DTL: variants seen among roughly 807,000 people sequenced by gnomAD.
The protein encoded by DTL is denticleless E3 ubiquitin protein ligase adapter, also known as denticleless protein homolog.
Under a neutral mutation model 87.0 loss-of-function variants are expected in DTL, and 46 were observed. The ratio of observed to expected loss-of-function variants is 0.53; its 90% CI spans 0.42 to 0.68. The LOEUF (loss-of-function observed/expected upper bound fraction) is 0.68, where lower values mean the gene tolerates loss of function less well. Ranked by LOEUF, DTL falls within the 30% of genes least tolerant of loss-of-function variation. The pLI, the probability that DTL is intolerant of heterozygous loss-of-function variation, is 0.00. For synonymous variants in DTL, 308 were observed against 311.2 expected, an observed-to-expected ratio of 0.99 and a Z score of 0.11; for missense variants, 737 against 869.4, an observed-to-expected ratio of 0.85 and a Z score of 1.91.
intron 5 of DTL, among the ~76,000 whole-genome samples, chr1:212,047,770 A>C (rs2102531067): frequency 6.6e-6 from 1 of 152,318 alleles, no homozygotes; most frequent in Non-Finnish European, 1.5e-5. Context: ...TCCTGAGCTC[A>C]GGCAATCCAC....
At chr1:212,065,669 AAG>A (rs1434496746) in intron 7 of DTL, among the ~76,000 whole-genome samples, 2 of 152,188 alleles carry the variant, frequency 1.3e-5, no homozygotes, top group African/African-American at 4.8e-5. Flanking sequence ...TCTAAGGGGA[AAG>A]AATACCTGTT....
chr1:212,074,475 T>C (rs1470505445), intron 11 of DTL, among the ~76,000 whole-genome samples: 3 of 152,160 alleles, frequency 2.0e-5, no homozygotes, highest in African/African-American at 7.2e-5. Flanking sequence ...GTTACCCTTT[T>C]TTAATTCCTA....
At chr1:212,053,030 C>G (rs1668046205) in intron 5 of DTL, among the ~76,000 whole-genome samples, 2 of 152,194 alleles carry the variant, frequency 1.3e-5, no homozygotes, top group African/African-American at 4.8e-5. Flanking sequence ...ATTTCGGTCT[C>G]TATAGATTTG....
In DTL at chr1:212,080,793, A is replaced by G. The variant is rs150750543; in HGVS notation, c.1261+43A>G. The G allele has an allele frequency of 1.0e-3, 1,658 of 1,605,888 alleles. 18 individuals carry two copies. In the African/African-American group the frequency reaches 0.02, roughly 19 times the overall value. ...TTTCCAAGTTTTTTATGGTTTGACT[A>G]GTTTAGTCCGACAGTACAGAGTAAT... On this transcript the variant is annotated intron_variant, in intron 13 of 14. Coordinates refer to ENST00000366991, the MANE Select transcript of DTL (RefSeq NM_016448.4).
rs1416376044 is a variant in DTL at position 212,078,192 on chromosome 1, C to T, written c.1055C>T (p.Pro352Leu). ...YIWKVSTPWQ[P>L]PTVLLGHSQE... Reference sequence around the variant, plus strand: ...GACTAGGTCTCCACACCCTGGCAACCTCCTACTGTGCTCCTGGGTCATTCT... The same window carrying T: ...GACTAGGTCTCCACACCCTGGCAACTTCCTACTGTGCTCCTGGGTCATTCT... The change falls in exon 12 of 15, where the codon CCT becomes CTT. Residue 352 changes from proline to leucine, a missense_variant. Transcript: ENST00000366991. The T allele has an allele frequency of 1.2e-6, 2 of 1,611,526 alleles. No individual in the cohort carries two copies. Among genetic ancestry groups the T allele is most frequent in the South Asian group, 2.2e-5 (2 of 91,024 alleles).
intron 5 of DTL, among the ~76,000 whole-genome samples, chr1:212,056,811 A>G (rs1385135476): frequency 6.6e-6 from 1 of 152,138 alleles, no homozygotes; most frequent in Non-Finnish European, 1.5e-5. Context: ...AAATAGAGCT[A>G]AATTCTGGAA....
At chr1:212,094,253 G>T (rs192690326) in intron 13 of DTL, among the ~76,000 whole-genome samples, 1 of 151,998 alleles carries the variant, frequency 6.6e-6, no homozygotes, top group Non-Finnish European at 1.5e-5. Flanking sequence ...GTAAGTCTTT[G>T]GTCCATCTGG....
intron 13 of DTL, among the ~76,000 whole-genome samples, chr1:212,087,322 G>A (rs532248139): frequency 6.6e-6 from 1 of 152,274 alleles, no homozygotes; most frequent in African/African-American, 2.4e-5. Flanking sequence ...GGCCGAGTGG[G>A]TGGATCACGA....
chr1:212,100,219 T>G, intron 13 of DTL, 33 bp from the exon 14 acceptor site: 1 of 1,475,250 alleles, frequency 6.8e-7, no homozygotes, highest in Non-Finnish European at 9.1e-7. Flanking sequence ...TGGCTTTCAC[T>G]TCTGATCTTC....
chr1:212,047,346 G>C lies in DTL; in HGVS notation c.389G>C (p.Gly130Ala), dbSNP rs374453882. The change falls in exon 5 of 15, where the codon GGT (glycine) becomes GCT (alanine). Residue 130 changes from glycine (G) to alanine (A), a missense_variant. Gly to Ala is a moderately conservative substitution (Grantham distance 60). Coordinates refer to ENST00000366991, the MANE Select transcript of DTL (RefSeq NM_016448.4). The stretch of plus-strand genomic sequence containing the variant: ...GCCAAATTTTGGGACGTAAAAGCTG[G>C]TGAGCTGATTGGAACATGCAAAGGT... Reference protein sequence around the residue: ...QTAKFWDVKAGELIGTCKGHQ... With the variant: ...QTAKFWDVKAAELIGTCKGHQ... 2 of 1,614,084 alleles carry C rather than the reference G, an allele frequency of 1.2e-6. No homozygotes were observed. The highest frequency in any genetic ancestry group is 8.5e-7 in the Non-Finnish European group (1 of 1,180,038).
At chr1:212,076,681 A>C (rs1015083372) in intron 11 of DTL, among the ~76,000 whole-genome samples, 51 of 152,314 alleles carry the variant, frequency 3.3e-4, no homozygotes, top group African/African-American at 9.1e-4. Context: ...ACCTGTTTGG[A>C]CCTTGGGTGA....
At chr1:212,048,902 T>G (rs1447367432) in intron 5 of DTL, among the ~76,000 whole-genome samples, 2 of 150,422 alleles carry the variant, frequency 1.3e-5, no homozygotes. Flanking sequence ...TGGACTGGTT[T>G]TTTGTTTGTT....
At chr1:212,053,014 A>G (rs1333928892) in intron 5 of DTL, among the ~76,000 whole-genome samples, 4 of 152,164 alleles carry the variant, frequency 2.6e-5, no homozygotes, top group Non-Finnish European at 5.9e-5. Context: ...TACAACCACT[A>G]TAGTAATTTC....
chr1:212,065,200 TCTG>T (rs1028106455), intron 7 of DTL, among the ~76,000 whole-genome samples, 171 bp downstream of exon 7: 6 of 152,208 alleles, frequency 3.9e-5, no homozygotes, highest in African/African-American at 1.2e-4. Context: ...TTTTGGTTCT[TCTG>T]AATTATAATG....
intron 14 of DTL, among the ~76,000 whole-genome samples, chr1:212,101,670 C>T (rs186092270): frequency 3.3e-4 from 51 of 152,262 alleles, no homozygotes; most frequent in African/African-American, 9.1e-4. Flanking sequence ...TTTGCCACAC[C>T]ACAGTAATAC....
At chr1:212,092,637 T>TAC (rs917370591) in intron 13 of DTL, among the ~76,000 whole-genome samples, 1 of 152,234 alleles carries the variant, frequency 6.6e-6, no homozygotes, top group Admixed American at 6.5e-5. Flanking sequence ...GGTATATATA[T>TAC]ACACCACGTT....
chr1:212,044,896 T>C lies in DTL; in HGVS notation c.277+138T>C, dbSNP rs1667765567. ...AATAACTGAGACTGGGTAGTTTATATAGAAAAAGTTTACTTGGTGTGTGAT... is the reference window on the plus strand; with the variant it reads ...AATAACTGAGACTGGGTAGTTTATACAGAAAAAGTTTACTTGGTGTGTGAT... On this transcript the variant is annotated intron_variant, in intron 3 of 14. Coordinates refer to ENST00000366991, the MANE Select transcript of DTL (RefSeq NM_016448.4). The C allele has an allele frequency of 6.7e-6, 4 of 593,524 alleles. 1 individual carries two copies. The highest frequency in any genetic ancestry group is 5.8e-5 in the East Asian group (2 of 34,300). 36.8% of individuals were successfully genotyped at this position (593,524 alleles called of 1,614,324 possible).
At chr1:212,060,362 A>C (rs887633962) in intron 5 of DTL, among the ~76,000 whole-genome samples, 4 of 152,178 alleles carry the variant, frequency 2.6e-5, no homozygotes, top group Non-Finnish European at 4.4e-5. Context: ...GGTGCCAAGA[A>C]CCTACAATAA....
chr1:212,068,806 CAT>C (rs1397157920), intron 10 of DTL, 103 bp downstream of exon 10: 2 of 657,838 alleles, frequency 3.0e-6, no homozygotes, highest in Admixed American at 3.0e-5. Flanking sequence ...CTTATTAAGC[CAT>C]ATGAGGACTT....
Sources: allele counts gnomAD v4.1 joint callset (sites outside exome capture counted in the v4.1 genomes callset), GRCh38; gene constraint gnomAD v4.1.1; transcripts MANE v1.5; gene names NCBI Gene and HGNC (gene_info 2026-07-23, HGNC 2026-07-21).